TENM2: variants seen among roughly 807,000 people sequenced by gnomAD.
TENM2 encodes teneurin-2.
TENM2 carries 52 observed loss-of-function variants against 245.2 expected under a neutral mutation model. That is an observed-to-expected ratio of 0.21 (90% CI 0.17 to 0.27). The LOEUF is 0.27. Ranked by LOEUF, TENM2 falls within the 10% of genes least tolerant of loss-of-function variation. The pLI is 1.00. For synonymous variants in TENM2, 1,363 were observed against 1,438.9 expected, an observed-to-expected ratio of 0.95 and a Z score of 1.19; for missense variants, 3,046 against 3,666.8, an observed-to-expected ratio of 0.83 and a Z score of 4.37.
At chr5:166,997,330 A>T in the TENM2 span, among the ~76,000 whole-genome samples, 1 of 152,222 alleles carries the variant, frequency 6.6e-6, no homozygotes, top group African/African-American at 2.4e-5. Flanking sequence ...AAAGAGTTCT[A>T]TGAGTTTATT....
chr5:167,355,585 G>A (rs753277273), intron 1 of TENM2, among the ~76,000 whole-genome samples: 22 of 152,124 alleles, frequency 1.4e-4, no homozygotes, highest in Non-Finnish European at 3.1e-4. Context: ...TTTCCCTGGT[G>A]GTCTGCTCAT....
the TENM2 span, among the ~76,000 whole-genome samples, chr5:167,216,412 A>G: frequency 0.19 from 29,566 of 152,162 alleles, 3,204 homozygotes; most frequent in African/African-American, 0.29. Flanking sequence ...TCTGACACTT[A>G]CATTCCACAT....
chr5:167,034,751 T>C, the TENM2 span, among the ~76,000 whole-genome samples: 1 of 152,150 alleles, frequency 6.6e-6, no homozygotes, highest in Admixed American at 6.5e-5. Context: ...TGTCGACAAT[T>C]TCCGAGTCTC....
exon 29 of TENM2, chr5:168,262,449 C>T (rs892433102): frequency 1.3e-5 from 20 of 1,569,130 alleles, no homozygotes; most frequent in Admixed American, 5.6e-5. Context: ...TCCCAGCCCA[C>T]GCTGCTGGTC....
intron 2 of TENM2, among the ~76,000 whole-genome samples, chr5:167,865,409 G>T (rs960096151): frequency 2.6e-5 from 4 of 151,850 alleles, no homozygotes; most frequent in African/African-American, 9.7e-5. Context: ...AAGTAATTGG[G>T]AGCACAGGCG....
At chr5:167,434,101 G>T (rs1764399453) in intron 2 of TENM2, among the ~76,000 whole-genome samples, 1 of 151,988 alleles carries the variant, frequency 6.6e-6, no homozygotes, top group South Asian at 2.1e-4. Flanking sequence ...TATTAAATAA[G>T]TATATATTGG....
At chr5:167,342,363 G>C (rs1758153240) in intron 1 of TENM2, among the ~76,000 whole-genome samples, 2 of 152,018 alleles carry the variant, frequency 1.3e-5, no homozygotes, top group South Asian at 4.1e-4. Flanking sequence ...AATGTGTTTT[G>C]GGAGGAAAGC....
At chr5:167,307,065 T>C (rs1755723543) in intron 1 of TENM2, among the ~76,000 whole-genome samples, 1 of 152,166 alleles carries the variant, frequency 6.6e-6, no homozygotes, top group African/African-American at 2.4e-5. Context: ...GTGAAAACCA[T>C]ACTCCCCGCA....
At chr5:167,324,482 A>G (rs1236995455) in intron 1 of TENM2, among the ~76,000 whole-genome samples, 1 of 152,106 alleles carries the variant, frequency 6.6e-6, no homozygotes, top group Non-Finnish European at 1.5e-5. Context: ...ATACTCGGGG[A>G]CATGAGATTC....
chr5:167,243,315 C>T, the TENM2 span, among the ~76,000 whole-genome samples: 4 of 152,148 alleles, frequency 2.6e-5, no homozygotes, highest in Non-Finnish European at 5.9e-5. Context: ...TGTTTATCTG[C>T]ACTGATGTAG....
At chr5:167,953,396 G>A (rs1780275322) in intron 4 of TENM2, 1 of 153,852 alleles carries the variant, frequency 6.5e-6, no homozygotes, top group Non-Finnish European at 1.4e-5. Context: ...ACTTACGTGA[G>A]GAGGGAAGAG....
At chr5:167,324,174 T>C (rs932549987) in intron 1 of TENM2, among the ~76,000 whole-genome samples, 2 of 152,202 alleles carry the variant, frequency 1.3e-5, no homozygotes, top group African/African-American at 4.8e-5. Flanking sequence ...GACTAGTCCA[T>C]TGTAGAAGCT....
At chr5:168,255,266 T>C (rs987873468) in intron 27 of TENM2, among the ~76,000 whole-genome samples, 1 of 152,174 alleles carries the variant, frequency 6.6e-6, no homozygotes, top group African/African-American at 2.4e-5. Context: ...TCTCACTTGA[T>C]GCTGGTATGT....
chr5:167,019,649 T>C, the TENM2 span, among the ~76,000 whole-genome samples: 1 of 152,022 alleles, frequency 6.6e-6, no homozygotes, highest in Admixed American at 6.6e-5. Context: ...TTTGTATTTT[T>C]AGTAGAGATG....
At chr5:167,711,949 A>C (rs998781534) in intron 2 of TENM2, among the ~76,000 whole-genome samples, 1 of 152,220 alleles carries the variant, frequency 6.6e-6, no homozygotes, top group Non-Finnish European at 1.5e-5. Context: ...TTTTTAATAC[A>C]TTGCTTAAAA....
At chr5:167,929,339 A>G (rs1289575861) in intron 3 of TENM2, among the ~76,000 whole-genome samples, 2 of 152,098 alleles carry the variant, frequency 1.3e-5, no homozygotes, top group African/African-American at 4.8e-5. Flanking sequence ...CTCTTAGAGG[A>G]TGTTACAGCC....
At chr5:168,245,223 T>C (rs1035280612) in intron 26 of TENM2, among the ~76,000 whole-genome samples, 2 of 106,738 alleles carry the variant, frequency 1.9e-5, no homozygotes, top group Admixed American at 1.3e-4. Context: ...ACTATTACCA[T>C]TGGGGTGGGG....
chr5:167,287,063 C>T (rs1190304871), intron 1 of TENM2, among the ~76,000 whole-genome samples: 4 of 152,326 alleles, frequency 2.6e-5, no homozygotes, highest in Middle Eastern at 3.4e-3. Flanking sequence ...TAAAAAGCAT[C>T]AGAAGGTATT....
intron 14 of TENM2, among the ~76,000 whole-genome samples, chr5:168,192,156 G>A (rs527736029): frequency 1.3e-4 from 20 of 152,254 alleles, no homozygotes; most frequent in African/African-American, 4.8e-4. Flanking sequence ...AAGTTGATCA[G>A]ACAAATTGGG....
Sources: gnomAD v4.1 joint callset for allele counts (sites outside exome capture counted in the v4.1 genomes callset) on GRCh38, gnomAD v4.1.1 for gene constraint, MANE v1.5 for transcripts, NCBI Gene and HGNC (gene_info 2026-07-23, HGNC 2026-07-21) for gene names.